Variants in CADM2 observed in about 807,000 individuals in gnomAD.
CADM2 encodes cell adhesion molecule 2.
CADM2 carries 12 observed loss-of-function variants against 49.8 expected under a neutral mutation model. The observed-to-expected ratio is 0.24, with a 90% CI of 0.15 to 0.39. The LOEUF is 0.39. Among genes scored for constraint, CADM2 ranks in the 10% least tolerant of loss-of-function variants. CADM2 has a pLI of 1.00. For missense variants in CADM2, 378 were observed against 492.3 expected (o/e 0.77, Z 2.20); for synonymous variants, 214 against 175.4 (o/e 1.22, Z -1.74).
Position 85,476,225 on chromosome 3 carries a change from CTG to C in CADM2, c.62-250295_62-250294del, listed in dbSNP as rs201327444. ...ATGTTGACATACAAAGTTTTGATAACTGTTATAAAAAGAGATCTTCTTCATAC... is the reference window on the plus strand; with the variant it reads ...ATGTTGACATACAAAGTTTTGATAACTTATAAAAAGAGATCTTCTTCATAC... On this transcript the variant is annotated intron_variant, in intron 1 of 9. Transcript: ENST00000383699. Among the ~76,000 whole-genome samples, 1,145 of 151,922 alleles carry C rather than the reference CTG, an allele frequency of 7.5e-3. 58 individuals are homozygous for C. Among genetic ancestry groups the C allele is most frequent in the Admixed American group, 0.064 (969 of 15,202 alleles).
chr3:84,995,590 G>A (rs939253393), intron 1 of CADM2, among the ~76,000 whole-genome samples: 3 of 152,150 alleles, frequency 2.0e-5, no homozygotes, highest in African/African-American at 7.2e-5. Context: ...TAAAAGAGGA[G>A]AGAATAATAC....
chr3:85,626,600 A>C (rs531816340), intron 1 of CADM2, among the ~76,000 whole-genome samples: 2 of 152,172 alleles, frequency 1.3e-5, no homozygotes, highest in African/African-American at 4.8e-5. Flanking sequence ...ACAAAACAGC[A>C]ATTACTTTGT....
chr3:86,056,506 A>T (rs1178795666), intron 8 of CADM2, among the ~76,000 whole-genome samples: 1 of 152,214 alleles, frequency 6.6e-6, no homozygotes, highest in Non-Finnish European at 1.5e-5. Context: ...ATAAGTATAG[A>T]TTAATAAAAT....
intron 3 of CADM2, among the ~76,000 whole-genome samples, chr3:85,820,808 A>T (rs1217490702): frequency 2.0e-5 from 3 of 152,154 alleles, no homozygotes; most frequent in African/African-American, 7.2e-5. Flanking sequence ...AGATCTAGGG[A>T]AAAGGAGTCC....
intron 1 of CADM2, among the ~76,000 whole-genome samples, chr3:85,684,642 C>T (rs1207858713): frequency 6.6e-6 from 1 of 152,066 alleles, no homozygotes; most frequent in Non-Finnish European, 1.5e-5. Context: ...GGAGGTCTCA[C>T]AATCATGGCA....
chr3:85,112,047 T>A (rs2038478896), intron 1 of CADM2, among the ~76,000 whole-genome samples: 1 of 151,918 alleles, frequency 6.6e-6, no homozygotes, highest in South Asian at 2.1e-4. Context: ...TTCTAAGTTT[T>A]TAACAATGTT....
intron 1 of CADM2, among the ~76,000 whole-genome samples, chr3:85,489,182 T>G (rs1178704152): frequency 6.6e-6 from 1 of 152,150 alleles, no homozygotes; most frequent in Non-Finnish European, 1.5e-5. Flanking sequence ...TCCTACATCA[T>G]TTTTATAAGT....
chr3:85,692,108 T>C (rs1002671660), intron 1 of CADM2, among the ~76,000 whole-genome samples: 4 of 152,158 alleles, frequency 2.6e-5, no homozygotes, highest in Non-Finnish European at 5.9e-5. Flanking sequence ...ACATGTACCC[T>C]AAAACTTAAA....
At chr3:85,806,004 A>G (rs150859656) in intron 3 of CADM2, among the ~76,000 whole-genome samples, 23 of 152,296 alleles carry the variant, frequency 1.5e-4, no homozygotes, top group Admixed American at 1.4e-3. Context: ...TTCCAGCGGT[A>G]TGCAGTATCA....
chr3:85,166,414 A>G (rs770190998), intron 1 of CADM2, among the ~76,000 whole-genome samples: 7 of 151,834 alleles, frequency 4.6e-5, no homozygotes, highest in Non-Finnish European at 7.4e-5. Context: ...TCAAGATTCT[A>G]GAATAAAAAA....
intron 8 of CADM2, among the ~76,000 whole-genome samples, chr3:85,977,107 G>C (rs1458595909): frequency 6.7e-6 from 1 of 149,634 alleles, no homozygotes; most frequent in Non-Finnish European, 1.5e-5. Context: ...AAGGTTGGGG[G>C]GACTCCAAAT....
intron 2 of CADM2, among the ~76,000 whole-genome samples, chr3:85,795,217 G>A (rs2071550829): frequency 6.6e-6 from 1 of 151,928 alleles, no homozygotes; most frequent in Non-Finnish European, 1.5e-5. Context: ...TAACTTCTTT[G>A]GAAAGACTCT....
intron 8 of CADM2, among the ~76,000 whole-genome samples, chr3:86,041,137 G>A (rs1483975377): frequency 1.3e-5 from 2 of 152,192 alleles, no homozygotes; most frequent in Non-Finnish European, 2.9e-5. Flanking sequence ...ATGCCAAATT[G>A]TAAAGACCGT....
intron 1 of CADM2, among the ~76,000 whole-genome samples, chr3:85,631,524 C>T (rs2064304537): frequency 6.6e-6 from 1 of 151,956 alleles, no homozygotes; most frequent in Admixed American, 6.6e-5. Flanking sequence ...AATGTCTGTT[C>T]AGTTGAGCCA....
intron 1 of CADM2, among the ~76,000 whole-genome samples, chr3:85,659,091 A>C (rs1200752594): frequency 6.7e-6 from 1 of 149,746 alleles, no homozygotes; most frequent in African/African-American, 2.4e-5. Flanking sequence ...AATAACAATA[A>C]ATTTTTTAAA....
chr3:85,409,020 C>A (rs116233345), intron 1 of CADM2, among the ~76,000 whole-genome samples: 1,595 of 152,278 alleles, frequency 0.01, 28 homozygotes, highest in African/African-American at 0.036. Context: ...AAATATTTCA[C>A]TACATTCTCA....
At chr3:85,645,078 C>A (rs1024557067) in intron 1 of CADM2, among the ~76,000 whole-genome samples, 78 of 151,866 alleles carry the variant, frequency 5.1e-4, no homozygotes, top group African/African-American at 1.8e-3. Context: ...ATTATAAGCC[C>A]ATTCTTCTCT....
chr3:85,438,987 C>G (rs1271444782), intron 1 of CADM2, among the ~76,000 whole-genome samples: 1 of 151,820 alleles, frequency 6.6e-6, no homozygotes, highest in East Asian at 1.9e-4. Flanking sequence ...CATGCCTGGC[C>G]TCATCTTATT....
At chr3:85,677,564 T>C (rs976890891) in intron 1 of CADM2, among the ~76,000 whole-genome samples, 2 of 152,128 alleles carry the variant, frequency 1.3e-5, no homozygotes, top group Non-Finnish European at 2.9e-5. Flanking sequence ...TAGTTTTAAA[T>C]GTTCAATAAA....
Sources: allele counts gnomAD v4.1 joint callset (sites outside exome capture counted in the v4.1 genomes callset), GRCh38; gene constraint gnomAD v4.1.1; transcripts MANE v1.5; gene names NCBI Gene and HGNC (gene_info 2026-07-23, HGNC 2026-07-21).